TMC1: variants seen among roughly 807,000 people sequenced by gnomAD.
TMC1 encodes the protein transmembrane channel like 1, also known as transmembrane channel-like protein 1.
TMC1 carries 84 observed loss-of-function variants against 105.8 expected under a neutral mutation model. The ratio of observed to expected loss-of-function variants is 0.79; its 90% CI spans 0.67 to 0.95. TMC1 has a LOEUF of 0.95. Ranked by LOEUF, TMC1 falls within the 40% of genes least tolerant of loss-of-function variation. The probability of loss-of-function intolerance (pLI) is 0.00; values close to 1 mark genes in which losing one functional copy is unlikely to be tolerated. For synonymous variants in TMC1, 315 were observed against 311.5 expected (o/e 1.01, Z -0.12); for missense variants, 817 against 914.1 (o/e 0.89, Z 1.37).
chr9:72,588,215 C>T (rs1422912146), intron 2 of TMC1, among the ~76,000 whole-genome samples: 1 of 152,190 alleles, frequency 6.6e-6, no homozygotes, highest in Non-Finnish European at 1.5e-5. Context: ...GACGGCTTCA[C>T]TCCTGTCACT....
chr9:72,567,859 G>A (rs996367196), intron 1 of TMC1, among the ~76,000 whole-genome samples: 3 of 152,184 alleles, frequency 2.0e-5, no homozygotes, highest in African/African-American at 7.2e-5. Flanking sequence ...TTGAATCATT[G>A]TTCATTAATC....
intron 11 of TMC1, 126 bp downstream of exon 11, chr9:72,752,082 A>T (rs1341202659): frequency 1.3e-6 from 1 of 757,264 alleles, no homozygotes; most frequent in Non-Finnish European, 2.3e-6. Context: ...AGGATTTGTA[A>T]TGAGATTAAC....
At chr9:72,793,256 G>A (rs548732786) in intron 17 of TMC1, among the ~76,000 whole-genome samples, 2 of 152,222 alleles carry the variant, frequency 1.3e-5, no homozygotes, top group South Asian at 2.1e-4. Flanking sequence ...TAGAAAAGGG[G>A]CTGAATCCAG....
At chr9:72,818,524 A>G (rs541075671) in intron 19 of TMC1, among the ~76,000 whole-genome samples, 1 of 152,298 alleles carries the variant, frequency 6.6e-6, no homozygotes, top group South Asian at 2.1e-4. Flanking sequence ...TTGCTCCAAC[A>G]CTGCTTCACT....
rs533176620 is a variant in TMC1, at chr9:72,821,287, A to T, written c.2003+206A>T. 1.2e-3 allele frequency among the ~76,000 whole-genome samples: 190 copies of T among 152,234 alleles called. 1 individual carries two copies. The highest frequency in any genetic ancestry group is 4.3e-3 in the African/African-American group (178 of 41,540). ...GGCAGGCAGATTACCTGAGGTCAGG[A>T]GTTCGAGACAAGCCTGGCCAACACG... is the stretch of plus-strand genomic sequence containing the variant. On this transcript the variant is annotated intron_variant, in intron 20 of 23. Coordinates refer to ENST00000297784, the MANE Select transcript of TMC1 (RefSeq NM_138691.3).
rs1170128899 is a variant in TMC1 at position 72,792,350 on chromosome 9, C to G, written c.1564C>G (p.Gln522Glu). ...RGPCWETMVG[Q>E]EFVRLTVSDV... ...ACCTTGCTGGGAAACAATGGTGGGACAGGTAATGCCACCAACAGAAGTGTA... is the reference window on the plus strand; with the variant it reads ...ACCTTGCTGGGAAACAATGGTGGGAGAGGTAATGCCACCAACAGAAGTGTA... The change falls in exon 17 of 24, where the codon CAG becomes GAG. Residue 522 changes from glutamine to glutamate, a missense_variant and splice_region_variant. Coordinates refer to ENST00000297784, the MANE Select transcript of TMC1 (RefSeq NM_138691.3). 2 of 1,613,842 alleles carry G rather than the reference C, an allele frequency of 1.2e-6. No individual in the cohort carries two copies. The highest frequency in any genetic ancestry group is 1.7e-6 in the Non-Finnish European group (2 of 1,179,962).
rs544741458 is a variant in TMC1, at chr9:72,668,646, G to A, written c.16+19982G>A. ...TTTCATCATTTTCCTCTAAAAGTCCGGTCCTGAGCTCTATTACAAGATAGA... is the reference window on the plus strand; with the variant it reads ...TTTCATCATTTTCCTCTAAAAGTCCAGTCCTGAGCTCTATTACAAGATAGA... On this transcript the variant is annotated intron_variant, in intron 5 of 23. Coordinates refer to ENST00000297784, the MANE Select transcript of TMC1 (RefSeq NM_138691.3). 3.4e-4 allele frequency among the ~76,000 whole-genome samples: 51 copies of A among 152,184 alleles called. 1 individual carries two copies. The highest frequency in any genetic ancestry group is 1.2e-3 in the African/African-American group (49 of 41,514).
chr9:72,725,342 T>TA (rs1827099681), intron 8 of TMC1, among the ~76,000 whole-genome samples: 1 of 117,952 alleles, frequency 8.5e-6, no homozygotes, highest in Admixed American at 8.6e-5. Flanking sequence ...TATATATATA[T>TA]ATATATATAT....
intron 13 of TMC1, among the ~76,000 whole-genome samples, chr9:72,786,364 A>ATCCCGGGAGGCGGAGCTTGCAT (rs1828167340): frequency 6.6e-6 from 1 of 152,164 alleles, no homozygotes; most frequent in Non-Finnish European, 1.5e-5. Flanking sequence ...GAATGGCGTG[A>ATCCCGGGAGGCGGAGCTTGCAT]TCCCGGGAGG....
chr9:72,667,031 C>G (rs1022706903), intron 5 of TMC1, among the ~76,000 whole-genome samples: 4 of 152,130 alleles, frequency 2.6e-5, no homozygotes, highest in Non-Finnish European at 2.9e-5. Flanking sequence ...AGTGAGCCAA[C>G]ATCTCCCCAC....
chr9:72,664,553 G>C (rs773421643), intron 5 of TMC1, among the ~76,000 whole-genome samples: 2 of 152,164 alleles, frequency 1.3e-5, no homozygotes, highest in Non-Finnish European at 2.9e-5. Context: ...AAACAGAAGA[G>C]CAGAGGAGCA....
intron 1 of TMC1, among the ~76,000 whole-genome samples, chr9:72,528,200 C>T (rs1015749917): frequency 4.6e-5 from 7 of 152,136 alleles, no homozygotes; most frequent in Non-Finnish European, 8.8e-5. Flanking sequence ...CATGTGAGGA[C>T]ACAACGTGAA....
chr9:72,662,458 G>A (rs1825982800), intron 5 of TMC1, among the ~76,000 whole-genome samples: 1 of 151,438 alleles, frequency 6.6e-6, no homozygotes, highest in Non-Finnish European at 1.5e-5. Context: ...CGGCGTCCTA[G>A]AGTGCTGGCA....
chr9:72,692,765 A>G (rs1313381174), intron 6 of TMC1, among the ~76,000 whole-genome samples: 1 of 152,172 alleles, frequency 6.6e-6, no homozygotes, highest in African/African-American at 2.4e-5. Context: ...TTAAACAAAC[A>G]GAAACTCGTT....
intron 18 of TMC1, among the ~76,000 whole-genome samples, chr9:72,815,165 C>T (rs1337075171): frequency 2.0e-5 from 3 of 152,016 alleles, no homozygotes; most frequent in African/African-American, 7.3e-5. Context: ...GTTTTATTGC[C>T]CTTGCTAATT....
In TMC1 at chr9:72,826,951, C is replaced by T; in HGVS notation, c.2086C>T (p.Leu696Phe). 1 of 1,614,088 alleles carries T rather than the reference C, an allele frequency of 6.2e-7. No individual in the cohort carries two copies. Among genetic ancestry groups the T allele is most frequent in the Non-Finnish European group, 8.5e-7 (1 of 1,179,952 alleles). ...CTGGATGGCGAAGATCTTGAGACAG[C>T]TTTCAAACCCTGGGCTGGTCATTGC... ...PSWMAKILRQLSNPGLVIAVI... is the reference protein window; with the variant it reads ...PSWMAKILRQFSNPGLVIAVI... Residue 696 changes from leucine (L) to phenylalanine (F), a missense_variant, in exon 21 of 24, where the codon CTT (leucine) becomes TTT (phenylalanine). Leu to Phe is a conservative substitution (Grantham distance 22). Transcript: ENST00000297784.
chr9:72,680,658 C>G (rs905277365), intron 5 of TMC1, among the ~76,000 whole-genome samples: 4 of 152,014 alleles, frequency 2.6e-5, no homozygotes, highest in African/African-American at 9.7e-5. Flanking sequence ...TTCTCTTTGT[C>G]TCTCTTCTGT....
chr9:72,801,607 C>G (rs573626907), intron 17 of TMC1, among the ~76,000 whole-genome samples: 51 of 152,294 alleles, frequency 3.3e-4, no homozygotes, highest in Non-Finnish European at 6.5e-4. Flanking sequence ...TTCCCTTCAC[C>G]TATTAATAAA....
At chr9:72,675,023 G>T in intron 5 of TMC1, among the ~76,000 whole-genome samples, 1 of 152,276 alleles carries the variant, frequency 6.6e-6, no homozygotes, top group East Asian at 1.9e-4. Context: ...GAAGAATGCA[G>T]AAGTATGAAA....
Sources: gnomAD v4.1 joint callset for allele counts (sites outside exome capture counted in the v4.1 genomes callset) on GRCh38, gnomAD v4.1.1 for gene constraint, MANE v1.5 for transcripts, NCBI Gene and HGNC (gene_info 2026-07-23, HGNC 2026-07-21) for gene names.